The following NOX5 variants were observed in gnomAD, a reference collection of about 807,000 sequenced individuals.
NOX5 encodes the protein NADPH oxidase, EF-hand calcium binding domain 5.
Under a neutral mutation model 85.7 loss-of-function variants are expected in NOX5, and 76 were observed. That is an observed-to-expected ratio of 0.89 (90% CI 0.74 to 1.07). NOX5 has a LOEUF of 1.07. Ranked by LOEUF, NOX5 falls within the 50% of genes least tolerant of loss-of-function variation. The pLI, the probability that NOX5 is intolerant of heterozygous loss-of-function variation, is 0.00. For missense variants in NOX5, 973 were observed against 999.5 expected (o/e 0.97, Z 0.36); for synonymous variants, 405 against 401.4 (o/e 1.01, Z -0.11).
intron 5 of NOX5, among the ~76,000 whole-genome samples, chr15:69,033,684 T>C (rs1445189193): frequency 8.0e-5 from 12 of 150,406 alleles, no homozygotes; most frequent in South Asian, 2.1e-4. Context: ...GTGTTTTTTT[T>C]TTTCTTTCTT....
chr15:69,049,171 C>A, intron 14 of NOX5, 113 bp downstream of exon 14: 1 of 567,086 alleles, frequency 1.8e-6, no homozygotes, highest in Non-Finnish European at 2.9e-6. Context: ...AACCATTTAA[C>A]CATTAAAGTG....
intron 5 of NOX5, 94 bp from the exon 6 acceptor site, chr15:69,035,260 C>T (rs1007560575): frequency 2.9e-6 from 4 of 1,392,392 alleles, no homozygotes; most frequent in African/African-American, 2.8e-5. Flanking sequence ...TCAGAAAGCA[C>T]AGCTAGCTCA....
intron 14 of NOX5, among the ~76,000 whole-genome samples, chr15:69,051,093 T>C (rs186349): frequency 0.97 from 148,392 of 152,276 alleles, 72,430 homozygotes; most frequent in East Asian, 1. Context: ...TCTCTCCTTC[T>C]CACCTTCCCT....
At chr15:69,020,789 T>C (rs2050287052) in intron 1 of NOX5, among the ~76,000 whole-genome samples, 1 of 152,022 alleles carries the variant, frequency 6.6e-6, no homozygotes, top group Admixed American at 6.5e-5. Flanking sequence ...TAAATAAACA[T>C]TGCAAATATC....
At chr15:69,023,042 G>T in intron 1 of NOX5, 1 of 460,178 alleles carries the variant, frequency 2.2e-6, no homozygotes, top group South Asian at 1.7e-5. Flanking sequence ...AAGAGGGCTT[G>T]GGGTACTTTG....
At chr15:69,031,403 T>G in intron 3 of NOX5, 115 bp from the exon 4 acceptor site, 1 of 1,211,724 alleles carries the variant, frequency 8.3e-7, no homozygotes, top group Non-Finnish European at 1.1e-6. Flanking sequence ...CATGGAAGGT[T>G]TCTGAGCTGA....
In NOX5 at chr15:69,049,886, G is replaced by C. The variant is rs549760422; in HGVS notation, c.1999+828G>C. Among the ~76,000 whole-genome samples the C allele has an allele frequency of 3.9e-5, 6 of 152,274 alleles. No homozygotes were observed. In the South Asian group the frequency reaches 1.2e-3, roughly 32 times the overall value. Reference sequence around the variant, plus strand: ...CGTACAATAAATACAATGACATTTTGACAAATGCATACAGTAGTGTAACCA... The same window carrying C: ...CGTACAATAAATACAATGACATTTTCACAAATGCATACAGTAGTGTAACCA... On this transcript the variant is annotated intron_variant, in intron 14 of 15. Transcript: ENST00000388866.
chr15:69,048,839 G>T, intron 13 of NOX5, 120 bp from the exon 14 acceptor site: 1 of 621,664 alleles, frequency 1.6e-6, no homozygotes. Flanking sequence ...TCCCTTAAAT[G>T]GGTATCTGAA....
In NOX5 at chr15:69,031,804, G is replaced by A. The variant is rs747470009; in HGVS notation, c.612G>A (p.Leu204=). 1 of 1,596,388 alleles carries A rather than the reference G, an allele frequency of 6.3e-7. No individual in the cohort carries two copies. The highest frequency in any genetic ancestry group is 8.6e-7 in the Non-Finnish European group (1 of 1,166,818). Residue 204 remains leucine (L), a synonymous_variant, in exon 4 of 16, where the codon CTG becomes CTA. Coordinates refer to ENST00000388866, the MANE Select transcript of NOX5 (RefSeq NM_024505.4). ...GCTTCCCCGGAGTCATGGAGAACCT[G>A]ACCATCAGGTACGGCCGGGTCTCGG... is the stretch of plus-strand genomic sequence containing the variant. ...LQRFPGVMEN[L]TISAAHWLTA...
chr15:69,055,492 T>G lies in NOX5; in HGVS notation c.2158T>G (p.Trp720Gly), dbSNP rs2050800640. The change falls in exon 15 of 16, where the codon TGG (tryptophan) becomes GGG (glycine). Residue 720 changes from tryptophan to glycine, a missense_variant. Physicochemically the swap from Trp to Gly is radical, Grantham distance 184. Coordinates refer to ENST00000388866, the MANE Select transcript of NOX5 (RefSeq NM_024505.4). ...QTRTQPGRPD[W>G]SKVFQKVAAE... Reference sequence around the variant, plus strand: ...GCGCACCCAGCCTGGGCGGCCTGACTGGAGCAAGGTAATGCCAACTGGAGC... The same window carrying G: ...GCGCACCCAGCCTGGGCGGCCTGACGGGAGCAAGGTAATGCCAACTGGAGC... The G allele has an allele frequency of 1.2e-6, 2 of 1,613,658 alleles. No individual in the cohort carries two copies. Among genetic ancestry groups the G allele is most frequent in the Admixed American group, 1.7e-5 (1 of 60,000 alleles).
intron 9 of NOX5, among the ~76,000 whole-genome samples, chr15:69,041,016 C>T (rs986199896): frequency 1.3e-5 from 2 of 152,150 alleles, no homozygotes; most frequent in African/African-American, 4.8e-5. Context: ...TCTTCTGGGT[C>T]TCAGTTTGGA....
chr15:69,037,083 A>G lies in NOX5; in HGVS notation c.1244A>G (p.His415Arg). ...YLLVWLLLIF[H>R]GPNFWKWLLV... ...CTCGTGTGGCTTCTGCTCATCTTTC[A>G]TGGGCCCAACTTCTGGAAGTGGCTG... The change falls in exon 8 of 16, where the codon CAT (histidine) becomes CGT (arginine). Residue 415 changes from histidine to arginine, a missense_variant. Transcript: ENST00000388866. The G allele has an allele frequency of 6.2e-7, 1 of 1,612,970 alleles. No individual in the cohort carries two copies. Among genetic ancestry groups the G allele is most frequent in the Non-Finnish European group, 8.5e-7 (1 of 1,179,780 alleles).
intron 14 of NOX5, among the ~76,000 whole-genome samples, chr15:69,053,101 A>G (rs1380761284): frequency 6.6e-6 from 1 of 152,222 alleles, no homozygotes; most frequent in Non-Finnish European, 1.5e-5. Flanking sequence ...TCTGATTTCA[A>G]CTTTAATTAT....
chr15:69,014,744 A>T lies in NOX5; in HGVS notation c.9A>T (p.Thr3=), dbSNP rs2140240258. ...CTAGAAGACAGGAGAAGATGAACAC[A>T]TCTGGAGACCCAGCCCAGACGGGCC... MN[T]SGDPAQTGPE... Residue 3 remains threonine (T), a synonymous_variant, in exon 1 of 16, where the codon ACA becomes ACT. Transcript: ENST00000388866. The T allele has an allele frequency of 6.4e-7, 1 of 1,550,606 alleles. No individual in the cohort carries two copies. Among genetic ancestry groups the T allele is most frequent in the East Asian group, 2.4e-5 (1 of 40,916 alleles).
rs778914512 is a variant in NOX5, at chr15:69,037,187, G to A, written c.1348G>A (p.Glu450Lys). 6.2e-7 allele frequency: 1 copy of A among 1,613,710 alleles called. No homozygotes were observed. Among genetic ancestry groups the A allele is most frequent in the South Asian group, 1.1e-5 (1 of 91,054 alleles). Residue 450 changes from glutamate to lysine, a missense_variant, in exon 8 of 16, where the codon GAA becomes AAA. By Grantham distance (56) the Glu-to-Lys change is moderately conservative. Coordinates refer to ENST00000388866, the MANE Select transcript of NOX5 (RefSeq NM_024505.4). The part of the protein sequence containing the change: ...VSRMAAVCIM[E>K]VNLLPSKVTH... ...CCGCATGGCAGCCGTGTGCATCATG[G>A]AAGTCAACCTCCTCCCCTCCAAGGT... is the stretch of plus-strand genomic sequence containing the variant.
At position 69,031,688 on chromosome 15, in the gene NOX5, C is replaced by G; in HGVS notation, c.496C>G (p.Leu166Val). The change falls in exon 4 of 16, where the codon CTG becomes GTG. Residue 166 changes from leucine to valine, a missense_variant. Transcript: ENST00000388866. The part of the protein sequence containing the change: ...ESAISLPDEK[L>V]DQLTLALFES... The stretch of plus-strand genomic sequence containing the variant: ...CGCCATCTCGCTGCCTGACGAGAAG[C>G]TGGACCAGCTGACGCTGGCGCTCTT... 6.2e-7 allele frequency: 1 copy of G among 1,613,268 alleles called. No homozygotes were observed. The highest frequency in any genetic ancestry group is 2.2e-5 in the East Asian group (1 of 44,866).
At chr15:69,022,986 C>A in intron 1 of NOX5, 1 of 510,790 alleles carries the variant, frequency 2.0e-6, no homozygotes, top group South Asian at 1.5e-5. Context: ...GTTTGATAGC[C>A]TCACCTTAAT....
At position 69,035,928 on chromosome 15, in the gene NOX5, C is replaced by T. The variant is rs1297089623; in HGVS notation, c.1180C>T (p.His394Tyr). 1 of 1,613,964 alleles carries T rather than the reference C, an allele frequency of 6.2e-7. No homozygotes were observed. Among genetic ancestry groups the T allele is most frequent in the Non-Finnish European group, 8.5e-7 (1 of 1,179,962 alleles). ...CAGTTCCTGCATCCGCAGGAGTGGC[C>T]ACTTTGAGGTGCCCCAGTTGCTGCC... is the stretch of plus-strand genomic sequence containing the variant. Reference protein sequence around the residue: ...CSSSCIRRSGHFEVFYWTHLS... With the variant: ...CSSSCIRRSGYFEVFYWTHLS... Residue 394 changes from histidine to tyrosine, a missense_variant, in exon 7 of 16, where the codon CAC becomes TAC. Transcript: ENST00000388866.
At chr15:69,049,496 A>C (rs941055178) in intron 14 of NOX5, among the ~76,000 whole-genome samples, 1 of 152,124 alleles carries the variant, frequency 6.6e-6, no homozygotes, top group Non-Finnish European at 1.5e-5. Flanking sequence ...TGTAAAGTTG[A>C]AAAATAGAAG....
Sources: gnomAD v4.1 joint callset for allele counts (sites outside exome capture counted in the v4.1 genomes callset) on GRCh38, gnomAD v4.1.1 for gene constraint, MANE v1.5 for transcripts, NCBI Gene and HGNC (gene_info 2026-07-23, HGNC 2026-07-21) for gene names.